CDH8: variants seen among roughly 807,000 people sequenced by gnomAD.
CDH8 encodes the protein cadherin-8.
A neutral mutation model predicts 68.1 loss-of-function variants in CDH8; 17 were observed. The ratio of observed to expected loss-of-function variants is 0.25; its 90% CI spans 0.17 to 0.37. The LOEUF (loss-of-function observed/expected upper bound fraction) is 0.37, where lower values mean the gene tolerates loss of function less well. Ranked by LOEUF, CDH8 falls within the 10% of genes least tolerant of loss-of-function variation. The pLI is 1.00. For synonymous variants in CDH8, 372 were observed against 365.1 expected, an observed-to-expected ratio of 1.02 and a Z score of -0.21; for missense variants, 763 against 999.3, an observed-to-expected ratio of 0.76 and a Z score of 3.19.
chr16:61,877,868 T>G (rs1480416617), intron 3 of CDH8, among the ~76,000 whole-genome samples: 1 of 152,104 alleles, frequency 6.6e-6, no homozygotes, highest in Non-Finnish European at 1.5e-5. Context: ...CCCACAATCA[T>G]AAACAGTAAA....
chr16:61,992,870 C>T (rs1042985651), intron 2 of CDH8, among the ~76,000 whole-genome samples: 2 of 152,034 alleles, frequency 1.3e-5, no homozygotes, highest in Admixed American at 6.6e-5. Context: ...CCCACTGCAT[C>T]CTTGACCTCC....
At chr16:61,662,860 G>A (rs1963596503) in intron 10 of CDH8, among the ~76,000 whole-genome samples, 1 of 151,840 alleles carries the variant, frequency 6.6e-6, no homozygotes, top group Non-Finnish European at 1.5e-5. Flanking sequence ...ATACCAATAA[G>A]CAAATGTATT....
chr16:61,720,535 A>G (rs908104464), intron 9 of CDH8, among the ~76,000 whole-genome samples: 5 of 150,986 alleles, frequency 3.3e-5, no homozygotes, highest in African/African-American at 1.2e-4. Context: ...GGGCCAGAAT[A>G]AAACGTGAAA....
At chr16:61,709,064 T>C (rs1165764036) in intron 10 of CDH8, among the ~76,000 whole-genome samples, 1 of 152,064 alleles carries the variant, frequency 6.6e-6, no homozygotes, top group East Asian at 1.9e-4. Flanking sequence ...TTGGGGATGC[T>C]TGCCTGGGAA....
At chr16:61,782,572 TG>T (rs1438495294) in intron 8 of CDH8, among the ~76,000 whole-genome samples, 1 of 151,858 alleles carries the variant, frequency 6.6e-6, no homozygotes, top group East Asian at 1.9e-4. Context: ...AAGCTCGAAC[TG>T]GGTGGAGCCC....
intron 8 of CDH8, among the ~76,000 whole-genome samples, chr16:61,774,535 C>T (rs912236436): frequency 1.3e-4 from 19 of 150,034 alleles, no homozygotes; most frequent in Non-Finnish European, 2.8e-4. Flanking sequence ...GGATTTTTAA[C>T]AAACAGCTGT....
At chr16:61,800,489 G>A (rs1961597171) in intron 7 of CDH8, among the ~76,000 whole-genome samples, 1 of 152,138 alleles carries the variant, frequency 6.6e-6, no homozygotes, top group South Asian at 2.1e-4. Flanking sequence ...CTTTGGAAGG[G>A]CATTTAGGTC....
chr16:61,728,468 A>G (rs1170089722), intron 8 of CDH8, among the ~76,000 whole-genome samples: 1 of 151,048 alleles, frequency 6.6e-6, no homozygotes, highest in Non-Finnish European at 1.5e-5. Context: ...TCACTTCCCA[A>G]AAATCAAGGT....
intron 3 of CDH8, among the ~76,000 whole-genome samples, chr16:61,880,693 G>A (rs2143124112): frequency 6.6e-6 from 1 of 152,260 alleles, no homozygotes; most frequent in East Asian, 1.9e-4. Context: ...GAGATGCCAT[G>A]TTCAAAACCA....
chr16:61,942,608 C>G (rs574773021), intron 2 of CDH8, among the ~76,000 whole-genome samples: 33 of 152,286 alleles, frequency 2.2e-4, no homozygotes, highest in Non-Finnish European at 3.5e-4. Context: ...ATCTTACACT[C>G]CAACTTCATC....
At chr16:61,871,679 A>G (rs1419899598) in intron 3 of CDH8, among the ~76,000 whole-genome samples, 2 of 152,040 alleles carry the variant, frequency 1.3e-5, no homozygotes, top group South Asian at 2.1e-4. Flanking sequence ...AAAAACAACA[A>G]CAACAAAAAG....
At chr16:61,660,838 T>C (rs1290921918) in intron 10 of CDH8, among the ~76,000 whole-genome samples, 2 of 151,892 alleles carry the variant, frequency 1.3e-5, no homozygotes, top group Non-Finnish European at 2.9e-5. Flanking sequence ...AAAATAAATA[T>C]GTATATGAAA....
intron 4 of CDH8, 45 bp from the exon 5 acceptor site, chr16:61,825,224 T>G: frequency 6.6e-7 from 1 of 1,508,772 alleles, no homozygotes; most frequent in African/African-American, 1.4e-5. Context: ...CAGAGCTAAT[T>G]CAAAAATGAA....
At chr16:61,867,673 A>G (rs1963281880) in intron 3 of CDH8, among the ~76,000 whole-genome samples, 1 of 152,092 alleles carries the variant, frequency 6.6e-6, no homozygotes, top group Non-Finnish European at 1.5e-5. Context: ...AATTACCCAG[A>G]GCTTTGTAAT....
At chr16:61,978,373 G>A (rs1965476432) in intron 2 of CDH8, among the ~76,000 whole-genome samples, 1 of 152,132 alleles carries the variant, frequency 6.6e-6, no homozygotes, top group African/African-American at 2.4e-5. Context: ...CAGTGTTGCT[G>A]TTGCCACCAT....
intron 4 of CDH8, among the ~76,000 whole-genome samples, chr16:61,850,582 G>A (rs1166388639): frequency 1.3e-5 from 2 of 152,048 alleles, no homozygotes; most frequent in Non-Finnish European, 2.9e-5. Flanking sequence ...AGTTCTTCAA[G>A]TAAAATCTTC....
chr16:62,005,728 T>C (rs1244852653), intron 2 of CDH8, among the ~76,000 whole-genome samples: 1 of 113,038 alleles, frequency 8.8e-6, no homozygotes, highest in African/African-American at 3.3e-5. Context: ...GGACTAGACT[T>C]CGTCTTAAAA....
rs1380678787 is a variant in CDH8 at position 61,959,992 on chromosome 16, A to G, written c.253-58519T>C. On this transcript the variant is annotated intron_variant, in intron 2 of 11. Transcript: ENST00000577390. ...TGTATGTGTGTGTGTGTGTATATAT[A>G]TATATATATATATATATATATATAC... Among the ~76,000 whole-genome samples, 12 of 74,656 alleles carry G rather than the reference A, an allele frequency of 1.6e-4. 1 individual carries two copies. Among genetic ancestry groups the G allele is most frequent in the East Asian group, 8.9e-4 (2 of 2,238 alleles). The allele number at this position is 74,656 out of a possible 152,430, so 49.0% of individuals were successfully genotyped here.
intron 8 of CDH8, among the ~76,000 whole-genome samples, chr16:61,770,592 A>T (rs1960751988): frequency 6.6e-6 from 1 of 151,928 alleles, no homozygotes; most frequent in South Asian, 2.1e-4. Flanking sequence ...AAAAATATCC[A>T]AAACTTCCTG....
Sources: allele counts gnomAD v4.1 joint callset (sites outside exome capture counted in the v4.1 genomes callset), GRCh38; gene constraint gnomAD v4.1.1; transcripts MANE v1.5; gene names NCBI Gene and HGNC (gene_info 2026-07-23, HGNC 2026-07-21).